DEPDC5: variants seen among roughly 807,000 people sequenced by gnomAD.
DEPDC5 encodes GATOR1 complex protein DEPDC5.
In DEPDC5, 73 loss-of-function variants were observed where a neutral mutation model predicts 217.3. The ratio of observed to expected loss-of-function variants is 0.34; its 90% CI spans 0.28 to 0.41. The LOEUF is 0.41. DEPDC5 is among the 10% of genes least tolerant of loss of function. The pLI is 1.00. For synonymous variants in DEPDC5, 733 were observed against 756.7 expected, an observed-to-expected ratio of 0.97 and a Z score of 0.51; for missense variants, 1,675 against 2,070.1, an observed-to-expected ratio of 0.81 and a Z score of 3.70.
intron 6 of DEPDC5, among the ~76,000 whole-genome samples, chr22:31,767,880 G>A (rs1450422014): frequency 6.6e-6 from 1 of 151,644 alleles, no homozygotes; most frequent in Non-Finnish European, 1.5e-5. Flanking sequence ...CGAGTAGCTG[G>A]GATTACAGGC....
At chr22:31,845,357 C>T (rs895907551) in intron 30 of DEPDC5, 120 bp downstream of exon 30, 2 of 1,309,770 alleles carry the variant, frequency 1.5e-6, no homozygotes, top group Non-Finnish European at 2.1e-6. Flanking sequence ...CCAGTGTTTA[C>T]CTTAAATCCA....
intron 37 of DEPDC5, among the ~76,000 whole-genome samples, chr22:31,876,776 A>G (rs1264183978): frequency 2.0e-5 from 3 of 152,138 alleles, no homozygotes; most frequent in African/African-American, 7.2e-5. Context: ...TTTTTAAATA[A>G]TGAGGAAAAA....
intron 31 of DEPDC5, among the ~76,000 whole-genome samples, chr22:31,855,788 T>C (rs1401102334): frequency 6.6e-6 from 1 of 152,108 alleles, no homozygotes; most frequent in Non-Finnish European, 1.5e-5. Context: ...TTGTCCTCTT[T>C]ACTTTTGTAT....
chr22:31,850,615 T>G (rs1293774702), intron 31 of DEPDC5, among the ~76,000 whole-genome samples: 2 of 152,176 alleles, frequency 1.3e-5, no homozygotes, highest in African/African-American at 4.8e-5. Flanking sequence ...GTTAGGACTA[T>G]TGTAATGCAA....
At chr22:31,862,618 G>A (rs564705753) in intron 33 of DEPDC5, among the ~76,000 whole-genome samples, 33 of 152,302 alleles carry the variant, frequency 2.2e-4, no homozygotes, top group African/African-American at 7.9e-4. Flanking sequence ...AGAAAAAGTT[G>A]TTAGCTGGTT....
intron 10 of DEPDC5, among the ~76,000 whole-genome samples, chr22:31,789,588 C>T (rs988433311): frequency 1.3e-5 from 2 of 152,056 alleles, no homozygotes; most frequent in African/African-American, 2.4e-5. Flanking sequence ...TTAAATGTCA[C>T]GATGGCAATA....
intron 40 of DEPDC5, 81 bp downstream of exon 40, chr22:31,897,734 C>T: frequency 6.6e-7 from 1 of 1,508,838 alleles, no homozygotes; most frequent in Non-Finnish European, 9.0e-7. Context: ...GGTATCCAGT[C>T]AACACGGACT....
At chr22:31,849,742 C>G (rs2091925749) in intron 31 of DEPDC5, among the ~76,000 whole-genome samples, 1 of 151,572 alleles carries the variant, frequency 6.6e-6, no homozygotes, top group Non-Finnish European at 1.5e-5. Flanking sequence ...AATTGCACCA[C>G]TGCACTCCAG....
At chr22:31,876,311 T>A in intron 37 of DEPDC5, 46 bp downstream of exon 37, 1 of 1,471,134 alleles carries the variant, frequency 6.8e-7, no homozygotes. Context: ...CAAGTGTTTT[T>A]CCTGGTGACT....
rs182428972 is a variant in DEPDC5, at chr22:31,841,680, G to A, written c.2516-1415G>A. Reference sequence around the variant, plus strand: ...TACAAAGTTACACTTCTATGCAAACGTCTGTTTGGTTGTAAAAATCAAACC... The same window carrying A: ...TACAAAGTTACACTTCTATGCAAACATCTGTTTGGTTGTAAAAATCAAACC... On this transcript the variant is annotated intron_variant, in intron 27 of 42. Coordinates refer to ENST00000651528, the MANE Select transcript of DEPDC5 (RefSeq NM_001242896.3). Among the ~76,000 whole-genome samples the A allele has an allele frequency of 1.7e-4, 26 of 152,306 alleles. No individual in the cohort carries two copies. In the South Asian group the frequency reaches 1.9e-3, roughly 11 times the overall value.
intron 24 of DEPDC5, among the ~76,000 whole-genome samples, chr22:31,829,181 C>A: frequency 6.6e-6 from 1 of 152,272 alleles, no homozygotes; most frequent in South Asian, 2.1e-4. Context: ...ACATAGAGTC[C>A]TTGTTTTGGG....
intron 38 of DEPDC5, among the ~76,000 whole-genome samples, chr22:31,886,978 G>C (rs1202365624): frequency 6.6e-6 from 1 of 151,960 alleles, no homozygotes; most frequent in African/African-American, 2.4e-5. Flanking sequence ...AGCTACTCGG[G>C]AGGCTGAAGC....
intron 39 of DEPDC5, among the ~76,000 whole-genome samples, chr22:31,895,147 A>G: frequency 6.9e-6 from 1 of 144,316 alleles, no homozygotes; most frequent in East Asian, 1.9e-4. Context: ...CCGTCTCAAA[A>G]AAAAAAAAAA....
intron 25 of DEPDC5, among the ~76,000 whole-genome samples, chr22:31,836,290 GTC>G (rs1463038025): frequency 1.3e-5 from 2 of 152,226 alleles, no homozygotes; most frequent in African/African-American, 4.8e-5. Context: ...CTGGTTCAAA[GTC>G]TCTGTTGTTG....
intron 31 of DEPDC5, among the ~76,000 whole-genome samples, chr22:31,850,637 T>G (rs1254998295): frequency 6.6e-6 from 1 of 152,172 alleles, no homozygotes; most frequent in African/African-American, 2.4e-5. Context: ...GTTGGCCAGG[T>G]GCAGTGGCCC....
intron 11 of DEPDC5, 123 bp from the exon 12 acceptor site, chr22:31,792,622 A>C (rs1038722347): frequency 3.3e-6 from 2 of 597,174 alleles, no homozygotes; most frequent in African/African-American, 4.1e-5. Flanking sequence ...AAAAAAAAAA[A>C]AAAAAAAAAA....
chr22:31,760,553 C>A, intron 3 of DEPDC5, 103 bp from the exon 4 acceptor site: 1 of 996,660 alleles, frequency 1.0e-6, no homozygotes, highest in Non-Finnish European at 1.5e-6. Flanking sequence ...TGCTGTAAGT[C>A]ACAGAATGGC....
rs533117959 is a variant in DEPDC5, at chr22:31,772,092, G to A, written c.413+3229G>A. 3.9e-5 allele frequency among the ~76,000 whole-genome samples: 6 copies of A among 151,966 alleles called. No homozygotes were observed. The South Asian group carries it at 1.2e-3, about 32-fold the overall frequency. On this transcript the variant is annotated intron_variant, in intron 7 of 42. Transcript: ENST00000651528. The stretch of plus-strand genomic sequence containing the variant: ...AAATAACAATAAAAAAAAGAACGGG[G>A]GTTGGTGTCAGGGCTCCTCTAGTTT...
intron 8 of DEPDC5, among the ~76,000 whole-genome samples, chr22:31,782,836 C>G (rs1217367464): frequency 6.6e-6 from 1 of 152,190 alleles, no homozygotes; most frequent in African/African-American, 2.4e-5. Flanking sequence ...GGGACCAGAT[C>G]TTATTTTCAC....
Sources: allele counts gnomAD v4.1 joint callset (sites outside exome capture counted in the v4.1 genomes callset), GRCh38; gene constraint gnomAD v4.1.1; transcripts MANE v1.5; gene names NCBI Gene and HGNC (gene_info 2026-07-23, HGNC 2026-07-21).